Variants in CLASP2 observed in about 807,000 individuals in gnomAD.
CLASP2 encodes the protein CLIP-associating protein 2.
In CLASP2, 47 loss-of-function variants were observed where a neutral mutation model predicts 194.4. That is an observed-to-expected ratio of 0.24 (90% CI 0.19 to 0.31). CLASP2 has a LOEUF of 0.31. CLASP2 is among the 10% of genes least tolerant of loss of function. The pLI is 1.00. For missense variants in CLASP2, 1,445 were observed against 1,823.6 expected, an observed-to-expected ratio of 0.79 and a Z score of 3.78; for synonymous variants, 619 against 633.5, an observed-to-expected ratio of 0.98 and a Z score of 0.34.
chr3:33,661,224 G>A (rs2085254564), intron 7 of CLASP2, among the ~76,000 whole-genome samples: 1 of 152,092 alleles, frequency 6.6e-6, no homozygotes, highest in Non-Finnish European at 1.5e-5. Context: ...TAACCACATT[G>A]TATATCCATT....
chr3:33,507,578 C>T (rs2048622095), intron 37 of CLASP2, among the ~76,000 whole-genome samples: 1 of 152,128 alleles, frequency 6.6e-6, no homozygotes, highest in Non-Finnish European at 1.5e-5. Context: ...ACCTCCTGAG[C>T]TCAAGTGATC....
intron 35 of CLASP2, among the ~76,000 whole-genome samples, chr3:33,516,671 A>AAAATAAATAAATAAAT (rs34773367): frequency 1.3e-5 from 2 of 151,426 alleles, no homozygotes; most frequent in Non-Finnish European, 2.9e-5. Context: ...ATTATTCCTC[A>AAAATAAATAAATAAAT]AAATAAATAA....
chr3:33,516,868 A>G, intron 35 of CLASP2, 113 bp downstream of exon 35: 1 of 907,270 alleles, frequency 1.1e-6, no homozygotes, highest in Non-Finnish European at 1.7e-6. Context: ...TGCAGAAAGC[A>G]GCAGCAGAAG....
chr3:33,530,491 TAAAC>T (rs540473096), intron 34 of CLASP2, among the ~76,000 whole-genome samples: 87 of 152,178 alleles, frequency 5.7e-4, no homozygotes, highest in South Asian at 1.2e-3. Flanking sequence ...AACAAATAAA[TAAAC>T]AAACCAGTAA....
chr3:33,713,075 T>G (rs1027877001), intron 1 of CLASP2, among the ~76,000 whole-genome samples: 20 of 143,662 alleles, frequency 1.4e-4, no homozygotes, highest in Non-Finnish European at 2.7e-4. Flanking sequence ...ACACCTGTAG[T>G]GGTCTGAATT....
intron 27 of CLASP2, among the ~76,000 whole-genome samples, chr3:33,561,478 G>A (rs1050158208): frequency 2.6e-5 from 4 of 152,148 alleles, no homozygotes; most frequent in African/African-American, 9.7e-5. Flanking sequence ...TTTGGTATGG[G>A]ATGTATTATT....
chr3:33,510,945 G>GT (rs1180680133), intron 36 of CLASP2, among the ~76,000 whole-genome samples, 181 bp from the exon 37 acceptor site: 1 of 151,768 alleles, frequency 6.6e-6, no homozygotes, highest in African/African-American at 2.4e-5. Flanking sequence ...CAAAATGTCA[G>GT]TAACAGCTGA....
intron 7 of CLASP2, among the ~76,000 whole-genome samples, chr3:33,655,104 C>T (rs55722452): frequency 6.6e-6 from 1 of 152,046 alleles, no homozygotes; most frequent in African/African-American, 2.4e-5. Context: ...TTATTTAGAA[C>T]CTTTACAAAA....
chr3:33,498,456 T>C lies in CLASP2; in HGVS notation c.*175A>G. The C allele has an allele frequency of 2.1e-6, 1 of 478,514 alleles. No homozygotes were observed. Among genetic ancestry groups the C allele is most frequent in the Non-Finnish European group, 3.7e-6 (1 of 267,592 alleles). The allele number at this position is 478,514 out of a possible 1,614,324, so 29.6% of individuals were successfully genotyped here. A position where few individuals can be genotyped will look rare whatever the true frequency, so the allele number is the denominator to read the frequency against. On this transcript the variant is annotated 3_prime_UTR_variant, in exon 39 of 39. Transcript: ENST00000682230. Reference sequence around the variant, plus strand: ...TGGAATAACTATCATAAAAGTTACATGCAGACTGAGGATAGTCCTCTGTTA... The same window carrying C: ...TGGAATAACTATCATAAAAGTTACACGCAGACTGAGGATAGTCCTCTGTTA...
chr3:33,551,600 T>C (rs1486616353), intron 29 of CLASP2, among the ~76,000 whole-genome samples: 2 of 152,130 alleles, frequency 1.3e-5, no homozygotes, highest in Admixed American at 6.5e-5. Flanking sequence ...ATTACAGGCA[T>C]GAGCCATCAT....
At chr3:33,518,072 G>A (rs1267029185) in intron 34 of CLASP2, among the ~76,000 whole-genome samples, 1 of 152,154 alleles carries the variant, frequency 6.6e-6, no homozygotes, top group African/African-American at 2.4e-5. Context: ...CTTCTGTAGA[G>A]AATAACTTTA....
chr3:33,540,762 T>C (rs1326076267), intron 32 of CLASP2, among the ~76,000 whole-genome samples: 3 of 150,460 alleles, frequency 2.0e-5, no homozygotes, highest in South Asian at 2.1e-4. Context: ...CTATTAACTA[T>C]AAATACCAAC....
intron 25 of CLASP2, 128 bp from the exon 26 acceptor site, chr3:33,570,918 A>AT (rs780765721): frequency 3.8e-4 from 300 of 795,740 alleles, no homozygotes; most frequent in Admixed American, 4.0e-4. Context: ...GCTCACGCCT[A>AT]TAATCCTAGC....
At position 33,697,951 on chromosome 3, in the gene CLASP2, C is replaced by T. The variant is rs116710787; in HGVS notation, c.196-1018G>A. Among the ~76,000 whole-genome samples, 163 of 152,250 alleles carry T rather than the reference C, an allele frequency of 1.1e-3. 1 individual carries two copies. The highest frequency in any genetic ancestry group is 3.4e-3 in the African/African-American group (142 of 41,564). On this transcript the variant is annotated intron_variant, in intron 1 of 38. Coordinates refer to ENST00000682230, the MANE Select transcript of CLASP2 (RefSeq NM_001365631.1). ...AACTGAGTGTGGGCTAGCATGAAAA[C>T]ACAACTAGCCACAGACACAAGGAGA...
At chr3:33,661,880 A>G (rs1559564781) in intron 7 of CLASP2, among the ~76,000 whole-genome samples, 1 of 152,236 alleles carries the variant, frequency 6.6e-6, no homozygotes, top group Admixed American at 6.5e-5. Context: ...CCAACGTGAT[A>G]AATAGGTTTC....
In CLASP2 at chr3:33,501,681, G is replaced by C. The variant is rs2046887719; in HGVS notation, c.4405C>G (p.Pro1469Ala). 2 of 1,612,960 alleles carry C rather than the reference G, an allele frequency of 1.2e-6. No homozygotes were observed. Among genetic ancestry groups the C allele is most frequent in the Non-Finnish European group, 1.7e-6 (2 of 1,179,146 alleles). Reference sequence around the variant, plus strand: ...CTGCCAGTAAGTTGACTGAGATGTGGTTTTAGTTCATCACCAATTACCGCA... The same window carrying C: ...CTGCCAGTAAGTTGACTGAGATGTGCTTTTAGTTCATCACCAATTACCGCA... The part of the protein sequence containing the change: ...VHAVIGDELK[P>A]HLSQLTGSKM... Residue 1469 changes from proline (P) to alanine (A), a missense_variant, in exon 38 of 39, where the codon CCA (proline) becomes GCA (alanine). Transcript: ENST00000682230.
intron 32 of CLASP2, among the ~76,000 whole-genome samples, chr3:33,542,287 T>C (rs2058483363): frequency 6.7e-6 from 1 of 150,062 alleles, no homozygotes; most frequent in African/African-American, 2.4e-5. Context: ...CTCAGAGGTA[T>C]ATATTCACTA....
intron 12 of CLASP2, among the ~76,000 whole-genome samples, chr3:33,615,683 T>C (rs68180692): frequency 0.26 from 39,253 of 151,554 alleles, 5,530 homozygotes; most frequent in Admixed American, 0.37. Flanking sequence ...GATAACCAAC[T>C]ACCTATATAA....
intron 7 of CLASP2, among the ~76,000 whole-genome samples, chr3:33,657,100 C>T (rs1001084098): frequency 4.6e-5 from 7 of 151,900 alleles, no homozygotes; most frequent in South Asian, 2.1e-4. Context: ...TTTGTATATT[C>T]GTAAATAAAC....
Sources: gnomAD v4.1 joint callset for allele counts (sites outside exome capture counted in the v4.1 genomes callset) on GRCh38, gnomAD v4.1.1 for gene constraint, MANE v1.5 for transcripts, NCBI Gene and HGNC (gene_info 2026-07-23, HGNC 2026-07-21) for gene names.